The following PTK2 variants were observed in gnomAD, a reference collection of about 807,000 sequenced individuals.
PTK2 encodes focal adhesion kinase 1.
PTK2 carries 45 observed loss-of-function variants against 150.1 expected under a neutral mutation model. The observed-to-expected ratio is 0.30, with a 90% CI of 0.24 to 0.38. PTK2 has a LOEUF of 0.38. PTK2 is among the 10% of genes least tolerant of loss of function. The pLI is 1.00. For missense variants in PTK2, 919 were observed against 1,307.3 expected (o/e 0.70, Z 4.58); for synonymous variants, 432 against 449.2 (o/e 0.96, Z 0.48).
intron 20 of PTK2, 23 bp from the exon 24 acceptor site, chr8:140,739,130 T>C: frequency 6.8e-7 from 1 of 1,463,956 alleles, no homozygotes; most frequent in East Asian, 2.4e-5. Flanking sequence ...TTTTAGAAAA[T>C]AAATTTTCCT....
At chr8:140,694,792 TAG>T in intron 26 of PTK2, among the ~76,000 whole-genome samples, 1 of 152,324 alleles carries the variant, frequency 6.6e-6, no homozygotes, top group Non-Finnish European at 1.5e-5. Flanking sequence ...TTACCATTGT[TAG>T]AGTCTCTTCA....
intron 10 of PTK2, among the ~76,000 whole-genome samples, chr8:140,811,959 T>G (rs1033268322): frequency 3.9e-5 from 6 of 152,110 alleles, no homozygotes; most frequent in Non-Finnish European, 7.4e-5. Context: ...CTGAAAGAGC[T>G]GGGGAGAGTG....
At chr8:140,988,829 A>G (rs1284086960) in intron 1 of PTK2, among the ~76,000 whole-genome samples, 1 of 152,176 alleles carries the variant, frequency 6.6e-6, no homozygotes, top group Admixed American at 6.5e-5. Flanking sequence ...ACTCTTTTCA[A>G]TAAATGGTGT....
chr8:140,888,891 A>C (rs919706186), intron 3 of PTK2, among the ~76,000 whole-genome samples: 3 of 152,228 alleles, frequency 2.0e-5, no homozygotes, highest in Non-Finnish European at 4.4e-5. Context: ...ACTGTATCTG[A>C]AATCTACAAA....
chr8:140,942,794 G>A (rs1333271340), intron 1 of PTK2, among the ~76,000 whole-genome samples: 1 of 152,184 alleles, frequency 6.6e-6, no homozygotes, highest in African/African-American at 2.4e-5. Flanking sequence ...CTGTTTCCCA[G>A]CCAAATCTCA....
intron 29 of PTK2, among the ~76,000 whole-genome samples, chr8:140,673,141 T>A (rs559859161): frequency 1.6e-3 from 248 of 151,878 alleles, no homozygotes; most frequent in African/African-American, 5.9e-3. Context: ...GGAATCTTGC[T>A]CTGTCGCCCA....
intron 11 of PTK2, among the ~76,000 whole-genome samples, chr8:140,801,757 T>A (rs1165706017): frequency 6.6e-6 from 1 of 152,162 alleles, no homozygotes. Flanking sequence ...CAACACAGTG[T>A]GGAAATTAAC....
intron 16 of PTK2, 32 bp downstream of exon 19, chr8:140,761,133 G>C: frequency 7.1e-7 from 1 of 1,403,672 alleles, no homozygotes; most frequent in Non-Finnish European, 1.0e-6. Context: ...GTCAAAATTA[G>C]TCTAGTTGTT....
chr8:140,997,989 T>C (rs1030576920), intron 1 of PTK2, among the ~76,000 whole-genome samples: 2 of 152,216 alleles, frequency 1.3e-5, no homozygotes, highest in Non-Finnish European at 1.5e-5. Context: ...GCACACTTAC[T>C]ATAGTGTAAA....
chr8:140,821,313 G>A (rs895489143), intron 8 of PTK2: 4 of 152,250 alleles, frequency 2.6e-5, no homozygotes, highest in African/African-American at 9.7e-5. Context: ...AGACCAGTCA[G>A]GTCACTGTAA....
intron 1 of PTK2, among the ~76,000 whole-genome samples, chr8:140,930,291 A>G (rs2100171232): frequency 6.6e-6 from 1 of 152,224 alleles, no homozygotes; most frequent in African/African-American, 2.4e-5. Flanking sequence ...AAACAGAAAC[A>G]TATCAAAAAA....
chr8:140,863,862 T>C (rs1275812846), intron 5 of PTK2, among the ~76,000 whole-genome samples: 1 of 152,206 alleles, frequency 6.6e-6, no homozygotes, highest in Non-Finnish European at 1.5e-5. Flanking sequence ...ATGACAAAAT[T>C]ATATGTACAA....
chr8:140,811,864 G>GA (rs1194021164), intron 10 of PTK2, among the ~76,000 whole-genome samples: 5 of 152,088 alleles, frequency 3.3e-5, no homozygotes, highest in African/African-American at 4.8e-5. Context: ...AAAGAATAGA[G>GA]AAAAAAGAAT....
intron 3 of PTK2, among the ~76,000 whole-genome samples, chr8:140,885,752 G>A (rs1331073355): frequency 6.6e-6 from 1 of 152,124 alleles, no homozygotes; most frequent in African/African-American, 2.4e-5. Flanking sequence ...TAGTATGTTA[G>A]AGAAACAGGA....
At chr8:140,878,327 T>C (rs528175284) in intron 4 of PTK2, among the ~76,000 whole-genome samples, 10 of 152,290 alleles carry the variant, frequency 6.6e-5, no homozygotes, top group African/African-American at 2.4e-4. Context: ...AGGCTGGGCA[T>C]GGTGGCTCAC....
intron 14 of PTK2, among the ~76,000 whole-genome samples, chr8:140,781,152 A>G (rs956542627): frequency 1.3e-5 from 2 of 152,190 alleles, no homozygotes; most frequent in Non-Finnish European, 2.9e-5. Flanking sequence ...GTCAAACTCT[A>G]GAATTTATAT....
chr8:140,936,216 T>A (rs1003984592), intron 1 of PTK2, among the ~76,000 whole-genome samples: 4 of 152,170 alleles, frequency 2.6e-5, no homozygotes, highest in Non-Finnish European at 5.9e-5. Context: ...TCAATCTTTT[T>A]AACTAATAAA....
chr8:140,848,852 T>C (rs370879522), intron 5 of PTK2, among the ~76,000 whole-genome samples: 2 of 152,308 alleles, frequency 1.3e-5, no homozygotes, highest in East Asian at 3.9e-4. Flanking sequence ...AGTTGTCTGA[T>C]GCAGATTTCA....
chr8:140,927,814 G>A (rs1034829883), intron 1 of PTK2, among the ~76,000 whole-genome samples: 20 of 150,956 alleles, frequency 1.3e-4, no homozygotes, highest in African/African-American at 4.4e-4. Context: ...AATTGGCCGC[G>A]CGTGGTGGCA....
Sources: gnomAD v4.1 joint callset for allele counts (sites outside exome capture counted in the v4.1 genomes callset) on GRCh38, gnomAD v4.1.1 for gene constraint, MANE v1.5 for transcripts, NCBI Gene and HGNC (gene_info 2026-07-23, HGNC 2026-07-21) for gene names.